MACF1: variants seen among roughly 807,000 people sequenced by gnomAD.
MACF1 encodes microtubule-actin cross-linking factor 1.
MACF1 carries 193 observed loss-of-function variants against 854.8 expected under a neutral mutation model. The ratio of observed to expected loss-of-function variants is 0.23; its 90% CI spans 0.20 to 0.25. The LOEUF is 0.25. Ranked by LOEUF, MACF1 falls within the 10% of genes least tolerant of loss-of-function variation. The pLI, the probability that MACF1 is intolerant of heterozygous loss-of-function variation, is 1.00. For missense variants in MACF1, 7,722 were observed against 8,929.1 expected (o/e 0.86, Z 5.45); for synonymous variants, 3,185 against 3,226.7 (o/e 0.99, Z 0.44).
In MACF1 at chr1:39,422,431, C is replaced by T. The variant is rs574506146; in HGVS notation, c.15874C>T (p.Leu5292Phe). 1 of 1,614,076 alleles carries T rather than the reference C, an allele frequency of 6.2e-7. No individual in the cohort carries two copies. The highest frequency in any genetic ancestry group is 1.7e-5 in the Admixed American group (1 of 60,018). The change falls in exon 59 of 101, where the codon CTT becomes TTT. Residue 5292 changes from leucine (L) to phenylalanine (F), a missense_variant. By Grantham distance (22) the Leu-to-Phe change is conservative (BLOSUM62 0). This residue lies in a region of MACF1 where 2,807 missense variants were observed against 3,235.8 expected (regional missense o/e 0.87). Coordinates refer to ENST00000564288, the MANE Select transcript of MACF1 (RefSeq NM_001394062.1). ...LQMKLQQVNG[L>F]GQGLIQSAGK... is the part of the protein sequence containing the mutation. ...GATGAAATTGCAGCAGGTGAATGGACTTGGCCAGGGATTAATTCAGAGTGC... is the reference window on the plus strand; with the variant it reads ...GATGAAATTGCAGCAGGTGAATGGATTTGGCCAGGGATTAATTCAGAGTGC...
At position 39,268,830 on chromosome 1, in the gene MACF1, G is replaced by A. The variant is rs555540290; in HGVS notation, c.528+10802G>A. ...AGGGAAGAAAATCCCTACTCCAGAG[G>A]CATCTCACCAGGAAGAAACCTCAGA... On this transcript the variant is annotated intron_variant, in intron 6 of 100. Coordinates refer to ENST00000564288, the MANE Select transcript of MACF1 (RefSeq NM_001394062.1). The A allele has an allele frequency of 4.7e-6, 6 of 1,289,748 alleles. No individual in the cohort carries two copies. In the African/African-American group the frequency reaches 7.6e-5, roughly 16 times the overall value. 79.9% of individuals were successfully genotyped at this position (1,289,748 alleles called of 1,614,324 possible).
At chr1:39,110,032 A>G (rs1448299008) in intron 2 of MACF1, among the ~76,000 whole-genome samples, 1 of 150,620 alleles carries the variant, frequency 6.6e-6, no homozygotes, top group Non-Finnish European at 1.5e-5. Context: ...ATAATACAAA[A>G]TAAAATAAAA....
chr1:39,374,009 A>G (rs567338721), intron 52 of MACF1, among the ~76,000 whole-genome samples: 68 of 152,212 alleles, frequency 4.5e-4, no homozygotes, highest in African/African-American at 1.4e-3. Context: ...TGGGAGGCCA[A>G]AGGAGGTGGA....
At chr1:39,355,559 C>T (rs1028600297) in intron 44 of MACF1, among the ~76,000 whole-genome samples, 3 of 148,336 alleles carry the variant, frequency 2.0e-5, no homozygotes, top group Non-Finnish European at 4.4e-5. Flanking sequence ...CTCTGCCTCC[C>T]GGGTTCAAGC....
intron 58 of MACF1, chr1:39,412,508 T>TC: frequency 6.2e-7 from 1 of 1,613,990 alleles, no homozygotes; most frequent in Non-Finnish European, 8.5e-7. Context: ...GAGCAGGTCT[T>TC]CCAGGATCTC....
intron 2 of MACF1, among the ~76,000 whole-genome samples, chr1:39,155,275 A>G (rs1178482199): frequency 1.3e-5 from 2 of 152,204 alleles, no homozygotes; most frequent in Non-Finnish European, 1.5e-5. Flanking sequence ...AACAATTTTA[A>G]TGGTGAAACA....
Position 39,453,714 on chromosome 1 carries a change from T to C in MACF1, c.20750T>C (p.Met6917Thr), listed in dbSNP as rs149436586. The change falls in exon 88 of 101, where the codon ATG becomes ACG. Residue 6917 changes from methionine (M) to threonine (T), a missense_variant. Met to Thr is a moderately conservative substitution (Grantham distance 81). Coordinates refer to ENST00000564288, the MANE Select transcript of MACF1 (RefSeq NM_001394062.1). ...QSLIDTHKEF[M>T]KKVEEKRVDV... ...CAAATCTTTTTTGTTTAGGAATTCA[T>C]GAAGAAAGTAGAAGAAAAGCGAGTG... The C allele has an allele frequency of 1.9e-6, 3 of 1,614,116 alleles. No homozygotes were observed. The highest frequency in any genetic ancestry group is 2.7e-5 in the African/African-American group (2 of 75,062).
At chr1:39,198,608 G>A (rs949557797) in intron 2 of MACF1, among the ~76,000 whole-genome samples, 15 of 146,330 alleles carry the variant, frequency 1.0e-4, no homozygotes, top group Admixed American at 2.1e-4. Context: ...CTGAGATCAC[G>A]CCATTGCACT....
At position 39,428,300 on chromosome 1, in the gene MACF1, C is replaced by A; in HGVS notation, c.16803+13C>A. 1 of 1,580,228 alleles carries A rather than the reference C, an allele frequency of 6.3e-7. No homozygotes were observed. The highest frequency in any genetic ancestry group is 8.6e-7 in the Non-Finnish European group (1 of 1,160,256). ...TGCTGACCACCTGGTATTCATGTTT[C>A]CATTTTTATTGGTTATGTTATTCTG... On this transcript the variant is annotated intron_variant, in intron 63 of 100. Transcript: ENST00000564288.
chr1:39,130,546 T>G (rs558053934), intron 2 of MACF1, among the ~76,000 whole-genome samples: 1 of 152,302 alleles, frequency 6.6e-6, no homozygotes, highest in South Asian at 2.1e-4. Context: ...ACTCATCTCA[T>G]TGTTCAGATC....
At chr1:39,272,682 T>C (rs960266557) in intron 6 of MACF1, among the ~76,000 whole-genome samples, 9 of 152,180 alleles carry the variant, frequency 5.9e-5, no homozygotes, top group African/African-American at 1.7e-4. Flanking sequence ...TTTTGTTGCT[T>C]TTTAGGATGG....
chr1:39,135,583 A>G (rs369122480), intron 2 of MACF1, among the ~76,000 whole-genome samples: 1 of 152,138 alleles, frequency 6.6e-6, no homozygotes, highest in East Asian at 1.9e-4. Context: ...GGTGCGTTCA[A>G]AGGCTTCAAA....
At chr1:39,306,608 AT>A (rs1646182264) in intron 23 of MACF1, among the ~76,000 whole-genome samples, 2 of 101,632 alleles carry the variant, frequency 2.0e-5, no homozygotes, top group Non-Finnish European at 3.9e-5. Context: ...GGACCATTCT[AT>A]CTTTTTTTTT....
Position 39,451,183 on chromosome 1 carries a change from T to A in MACF1, c.20390T>A (p.Leu6797His). The A allele has an allele frequency of 1.2e-6, 2 of 1,614,070 alleles. No individual in the cohort carries two copies. Among genetic ancestry groups the A allele is most frequent in the Non-Finnish European group, 8.5e-7 (1 of 1,179,978 alleles). ...EDQPVHGDLDLVMNLMDAHKV... is the reference protein window; with the variant it reads ...EDQPVHGDLDHVMNLMDAHKV... ...CAGCCCGTGCACGGGGACCTTGACC[T>A]CGTCATGAACCTCATGGATGCACAC... is the stretch of plus-strand genomic sequence containing the variant. Residue 6797 changes from leucine to histidine, a missense_variant, in exon 85 of 101, where the codon CTC (leucine) becomes CAC (histidine). By Grantham distance (99) the Leu-to-His change is moderately conservative. Coordinates refer to ENST00000564288, the MANE Select transcript of MACF1 (RefSeq NM_001394062.1).
At chr1:39,414,311 T>C (rs995206769) in intron 58 of MACF1, 1 of 1,613,890 alleles carries the variant, frequency 6.2e-7, no homozygotes, top group Admixed American at 1.7e-5. Flanking sequence ...ACTGACTCAG[T>C]GCCTATTTCA....
Position 39,333,748 on chromosome 1 carries a change from C to G in MACF1, c.7160C>G (p.Ala2387Gly). 1 of 1,614,162 alleles carries G rather than the reference C, an allele frequency of 6.2e-7. No homozygotes were observed. The highest frequency in any genetic ancestry group is 1.1e-5 in the South Asian group (1 of 91,080). ...RTQTLCSVKD[A>G]VTVGLLDKET... ...CAGACACTGTGCTCTGTAAAGGATG[C>G]AGTTACAGTTGGACTTCTTGACAAG... The change falls in exon 37 of 101, where the codon GCA becomes GGA. Residue 2387 changes from alanine to glycine, a missense_variant. Around this residue, in one of 15 missense-constraint regions of MACF1, gnomAD observed 1,531 missense variants for 1,601.6 expected, o/e 0.96. Transcript: ENST00000564288.
At position 39,177,197 on chromosome 1, in the gene MACF1, G is replaced by A. The variant is rs556394974; in HGVS notation, c.221-53985G>A. The stretch of plus-strand genomic sequence containing the variant: ...GTTGCCCAGGCTGGAGTGCAATGGC[G>A]CAATCTTGGTTCGCCACAACCCCCG... On this transcript the variant is annotated intron_variant, in intron 2 of 93. Coordinates refer to the MACF1 transcript ENST00000361689. Among the ~76,000 whole-genome samples the A allele has an allele frequency of 2.2e-4, 34 of 152,180 alleles. No homozygotes were observed. The South Asian group carries it at 6.0e-3, about 27-fold the overall frequency.
chr1:39,088,879 C>T (rs908960142), intron 2 of MACF1, among the ~76,000 whole-genome samples: 2 of 152,192 alleles, frequency 1.3e-5, no homozygotes, highest in Admixed American at 6.5e-5. Flanking sequence ...CTGCAGATGG[C>T]AGTAACATGT....
Position 39,347,080 on chromosome 1 carries a change from A to G in MACF1, c.10685A>G (p.Gln3562Arg). 2 of 1,614,124 alleles carry G rather than the reference A, an allele frequency of 1.2e-6. No individual in the cohort carries two copies. Among genetic ancestry groups the G allele is most frequent in the Non-Finnish European group, 1.7e-6 (2 of 1,179,932 alleles). ...SEHAQDLSPQ[Q>R]NRQMLRLLNE... Reference sequence around the variant, plus strand: ...CATGCCCAGGACTTGTCCCCTCAGCAGAATCGACAGATGCTGAGGCTTCTG... The same window carrying G: ...CATGCCCAGGACTTGTCCCCTCAGCGGAATCGACAGATGCTGAGGCTTCTG... The change falls in exon 41 of 101, where the codon CAG becomes CGG. Residue 3562 changes from glutamine (Q) to arginine (R), a missense_variant. By Grantham distance (43) the Gln-to-Arg change is conservative. Transcript: ENST00000564288.
Sources: allele counts gnomAD v4.1 joint callset (sites outside exome capture counted in the v4.1 genomes callset), GRCh38; gene constraint gnomAD v4.1.1; regional missense constraint gnomAD v4.1.1; transcripts MANE v1.5; gene names NCBI Gene and HGNC (gene_info 2026-07-23, HGNC 2026-07-21).